Variants in EIF2AK2 observed in about 807,000 individuals in gnomAD.
EIF2AK2 encodes eukaryotic translation initiation factor 2 alpha kinase 2, also known as interferon-induced, double-stranded RNA-activated protein kinase.
In EIF2AK2, 40 loss-of-function variants were observed where a neutral mutation model predicts 70.5. That is an observed-to-expected ratio of 0.57 (90% CI 0.44 to 0.74). The LOEUF is 0.74. EIF2AK2 is among the 30% of genes least tolerant of loss of function. The pLI, the probability that EIF2AK2 is intolerant of heterozygous loss-of-function variation, is 0.00. For missense variants in EIF2AK2, 555 were observed against 644.3 expected (o/e 0.86, Z 1.50); for synonymous variants, 198 against 220.9 (o/e 0.90, Z 0.92).
At chr2:37,148,476 C>A (rs1354595303) in intron 2 of EIF2AK2, 1 of 509,302 alleles carries the variant, frequency 2.0e-6, no homozygotes, top group Non-Finnish European at 3.7e-6. Context: ...GTGATCAGCC[C>A]GTGACCTAGA....
intron 14 of EIF2AK2, 76 bp downstream of exon 14, chr2:37,114,655 A>G (rs1674272865): frequency 7.5e-6 from 10 of 1,329,758 alleles, no homozygotes; most frequent in Admixed American, 5.6e-5. Flanking sequence ...TTTTAATTAT[A>G]TAAGTAGTGT....
At chr2:37,154,822 A>C (rs1392491644) in intron 1 of EIF2AK2, among the ~76,000 whole-genome samples, 1 of 152,050 alleles carries the variant, frequency 6.6e-6, no homozygotes, top group Non-Finnish European at 1.5e-5. Flanking sequence ...TTGGCCTCCC[A>C]AAGTGCTGCG....
chr2:37,124,764 G>A (rs1674674879), intron 11 of EIF2AK2, among the ~76,000 whole-genome samples: 3 of 148,704 alleles, frequency 2.0e-5, no homozygotes, highest in South Asian at 4.2e-4. Context: ...GTCTCACTCT[G>A]TCACCCAGGC....
chr2:37,134,958 A>G (rs1388028528), intron 10 of EIF2AK2, among the ~76,000 whole-genome samples: 1 of 152,150 alleles, frequency 6.6e-6, no homozygotes, highest in African/African-American at 2.4e-5. Flanking sequence ...TAACCTCCAG[A>G]CTTGGATTGG....
rs905285736 is a variant in EIF2AK2, at chr2:37,105,871, A to G, written c.*1402T>C. Reference sequence around the variant, plus strand: ...TAGTTGGAAGGCCCACTGGGCTGTCACTTCTAGCCCTGTGCTCAGCAGAAA... The same window carrying G: ...TAGTTGGAAGGCCCACTGGGCTGTCGCTTCTAGCCCTGTGCTCAGCAGAAA... On this transcript the variant is annotated 3_prime_UTR_variant, in exon 17 of 17. Coordinates refer to ENST00000233057, the MANE Select transcript of EIF2AK2 (RefSeq NM_001135651.3). The G allele has an allele frequency of 6.6e-6, 1 of 152,240 alleles. No homozygotes were observed. The highest frequency in any genetic ancestry group is 1.5e-5 in the Non-Finnish European group (1 of 68,068). 9.4% of individuals were successfully genotyped at this position (152,240 alleles called of 1,614,324 possible).
At chr2:37,117,031 G>A (rs1056783733) in intron 13 of EIF2AK2, among the ~76,000 whole-genome samples, 1 of 152,016 alleles carries the variant, frequency 6.6e-6, no homozygotes, top group African/African-American at 2.4e-5. Context: ...TGCCAACATG[G>A]TGAAACCCTG....
At chr2:37,131,862 C>T (rs1008710800) in intron 10 of EIF2AK2, among the ~76,000 whole-genome samples, 3 of 152,130 alleles carry the variant, frequency 2.0e-5, no homozygotes, top group Admixed American at 6.6e-5. Flanking sequence ...ATTAGTTGCC[C>T]TAATGAAAGC....
At chr2:37,147,042 T>C (rs190713608) in intron 3 of EIF2AK2, 69 bp from the exon 4 acceptor site, 35 of 1,452,440 alleles carry the variant, frequency 2.4e-5, no homozygotes, top group Middle Eastern at 2.1e-4. Flanking sequence ...AGTACTCTAG[T>C]CATCACTACC....
At chr2:37,118,652 G>A (rs942668858) in intron 13 of EIF2AK2, among the ~76,000 whole-genome samples, 8 of 152,190 alleles carry the variant, frequency 5.3e-5, no homozygotes, top group Non-Finnish European at 7.3e-5. Context: ...TTTTGAAATA[G>A]TTCTGACAAT....
intron 11 of EIF2AK2, among the ~76,000 whole-genome samples, chr2:37,123,936 A>T (rs1358718298): frequency 6.6e-6 from 1 of 152,136 alleles, no homozygotes; most frequent in Non-Finnish European, 1.5e-5. Flanking sequence ...AAAATTACTG[A>T]TACTTTGACA....
chr2:37,113,035 C>A (rs1272584933), intron 14 of EIF2AK2, among the ~76,000 whole-genome samples: 1 of 152,132 alleles, frequency 6.6e-6, no homozygotes. Context: ...CATATTCACA[C>A]GGGGAAAATC....
At chr2:37,112,936 A>T (rs1173150331) in intron 14 of EIF2AK2, among the ~76,000 whole-genome samples, 1 of 152,210 alleles carries the variant, frequency 6.6e-6, no homozygotes, top group Non-Finnish European at 1.5e-5. Flanking sequence ...TCTTCCAGAT[A>T]ACCTCTGTTC....
chr2:37,145,334 G>T (rs910156097), intron 4 of EIF2AK2, among the ~76,000 whole-genome samples: 4 of 151,850 alleles, frequency 2.6e-5, no homozygotes, highest in Non-Finnish European at 4.4e-5. Context: ...GTAGAGACAG[G>T]GTTTCACCGT....
At position 37,121,075 on chromosome 2, in the gene EIF2AK2, A is replaced by G. The variant is rs556984394; in HGVS notation, c.1068-936T>C. On this transcript the variant is annotated intron_variant, in intron 12 of 16. Transcript: ENST00000233057. Reference sequence around the variant, plus strand: ...TCAGGAGATCAAGACCATCCTGGCTAACACGGTGAAATCCCGTCTCTACTA... The same window carrying G: ...TCAGGAGATCAAGACCATCCTGGCTGACACGGTGAAATCCCGTCTCTACTA... Among the ~76,000 whole-genome samples, 3 of 148,898 alleles carry G rather than the reference A, an allele frequency of 2.0e-5. 1 individual carries two copies. The highest frequency in any genetic ancestry group is 4.5e-5 in the Non-Finnish European group (3 of 66,856).
At chr2:37,140,287 T>A (rs1353681043) in intron 5 of EIF2AK2, among the ~76,000 whole-genome samples, 1 of 152,194 alleles carries the variant, frequency 6.6e-6, no homozygotes, top group Non-Finnish European at 1.5e-5. Context: ...CAGTGCAGAT[T>A]CCCTATACTA....
Position 37,100,454 on chromosome 2 carries a change from A to G in EIF2AK2, c.*6819T>C, listed in dbSNP as rs1163721842. 2.0e-5 allele frequency: 3 copies of G among 152,258 alleles called. No individual in the cohort carries two copies. Among genetic ancestry groups the G allele is most frequent in the Admixed American group, 1.3e-4 (2 of 15,284 alleles). 9.4% of individuals were successfully genotyped at this position (152,258 alleles called of 1,614,324 possible). On this transcript the variant is annotated 3_prime_UTR_variant, in exon 17 of 17. Coordinates refer to ENST00000233057, the MANE Select transcript of EIF2AK2 (RefSeq NM_001135651.3). ...TACAGGTCCAAATCAAATTAACCCCATAAGAGCCACACAGATTTGAGAAGC... is the reference window on the plus strand; with the variant it reads ...TACAGGTCCAAATCAAATTAACCCCGTAAGAGCCACACAGATTTGAGAAGC...
chr2:37,141,818 T>C (rs1440793252), intron 4 of EIF2AK2, 117 bp from the exon 5 acceptor site: 20 of 1,102,054 alleles, frequency 1.8e-5, no homozygotes, highest in East Asian at 5.3e-5. Flanking sequence ...TTGGATGTTA[T>C]ATATTTTCCT....
rs774618169 is a variant in EIF2AK2 at position 37,139,649 on chromosome 2, T to C, written c.498A>G (p.Leu166=). The C allele has an allele frequency of 4.3e-6, 7 of 1,613,830 alleles. No homozygotes were observed. The highest frequency in any genetic ancestry group is 2.2e-5 in the East Asian group (1 of 44,872). Residue 166 remains leucine (L), a synonymous_variant, in exon 6 of 17, where the codon TTA becomes TTG. Transcript: ENST00000233057. ...LAAKLAYLQI[L]SEETSVKSDY... ...TACGTACCACTGAGGTTTCTTCTGA[T>C]AATATCTGAAGATATGCAAGTTTAG...
At chr2:37,134,387 G>A (rs1272854116) in intron 10 of EIF2AK2, among the ~76,000 whole-genome samples, 2 of 152,090 alleles carry the variant, frequency 1.3e-5, no homozygotes, top group Non-Finnish European at 2.9e-5. Flanking sequence ...CAATGCAACC[G>A]CATTATCATT....
Sources: gnomAD v4.1 joint callset for allele counts (sites outside exome capture counted in the v4.1 genomes callset) on GRCh38, gnomAD v4.1.1 for gene constraint, MANE v1.5 for transcripts, NCBI Gene and HGNC (gene_info 2026-07-23, HGNC 2026-07-21) for gene names.